PALM2AKAP2: variants seen among roughly 807,000 people sequenced by gnomAD.
PALM2AKAP2 encodes PALM2 and AKAP2 fusion, also known as PALM2-AKAP2 fusion protein.
In PALM2AKAP2, 37 loss-of-function variants were observed where a neutral mutation model predicts 71.5. That is an observed-to-expected ratio of 0.52 (90% CI 0.40 to 0.68). The LOEUF (loss-of-function observed/expected upper bound fraction) is 0.68, where lower values mean the gene tolerates loss of function less well. Ranked by LOEUF, PALM2AKAP2 falls within the 30% of genes least tolerant of loss-of-function variation. The probability of loss-of-function intolerance (pLI) is 0.00; values close to 1 mark genes in which losing one functional copy is unlikely to be tolerated. For missense variants in PALM2AKAP2, 1,224 were observed against 1,191.8 expected (o/e 1.03, Z -0.40); for synonymous variants, 468 against 478.8 (o/e 0.98, Z 0.29).
chr9:109,807,151 A>G (rs1330610579), intron 1 of PALM2AKAP2, among the ~76,000 whole-genome samples: 1 of 103,676 alleles, frequency 9.6e-6, no homozygotes, highest in Non-Finnish European at 2.5e-5. Flanking sequence ...TGAGAGAGAG[A>G]AAAAAAAGTC....
At chr9:109,747,299 A>G (rs1828817510) in intron 1 of PALM2AKAP2, among the ~76,000 whole-genome samples, 1 of 152,154 alleles carries the variant, frequency 6.6e-6, no homozygotes, top group South Asian at 2.1e-4. Flanking sequence ...TTCAGTTAAA[A>G]AGTCACTGGT....
chr9:109,868,467 T>G (rs1564188215), intron 2 of PALM2AKAP2, among the ~76,000 whole-genome samples: 1 of 152,226 alleles, frequency 6.6e-6, no homozygotes. Flanking sequence ...TGCACAGAGC[T>G]GCATTGCTCA....
chr9:110,022,774 T>C (rs1320477844), intron 7 of PALM2AKAP2, among the ~76,000 whole-genome samples: 2 of 150,544 alleles, frequency 1.3e-5, no homozygotes, highest in Non-Finnish European at 3.0e-5. Context: ...TTCCCCTTCC[T>C]GTGTCCATGT....
rs1237182658 is a variant in PALM2AKAP2, at chr9:109,756,255, G to A, written c.6-24233G>A. On this transcript the variant is annotated intron_variant, in intron 1 of 6. Coordinates refer to the PALM2AKAP2 transcript ENST00000374531. ...CCACTTTGATAGTCAAAATAACAGCGTCACATTTTGTGTTTCTTTGGATAT... is the reference window on the plus strand; with the variant it reads ...CCACTTTGATAGTCAAAATAACAGCATCACATTTTGTGTTTCTTTGGATAT... 3.9e-5 allele frequency among the ~76,000 whole-genome samples: 6 copies of A among 152,104 alleles called. No homozygotes were observed. The South Asian group carries it at 8.3e-4, about 21-fold the overall frequency.
intron 7 of PALM2AKAP2, among the ~76,000 whole-genome samples, chr9:110,027,337 G>A (rs1833199153): frequency 6.6e-6 from 1 of 152,104 alleles, no homozygotes; most frequent in Admixed American, 6.5e-5. Flanking sequence ...GTATCTCTAG[G>A]ATAAAAATTT....
intron 1 of PALM2AKAP2, among the ~76,000 whole-genome samples, chr9:110,098,508 A>G (rs763887915): frequency 5.3e-4 from 81 of 152,348 alleles, no homozygotes; most frequent in Non-Finnish European, 9.6e-4. Flanking sequence ...GTATATCTCA[A>G]TGAAGCTGTT....
chr9:109,917,250 G>A (rs186625315), intron 3 of PALM2AKAP2, among the ~76,000 whole-genome samples: 2 of 152,300 alleles, frequency 1.3e-5, no homozygotes, highest in South Asian at 2.1e-4. Flanking sequence ...CTCCCCTAGA[G>A]CCTGCAGAAG....
intron 6 of PALM2AKAP2, among the ~76,000 whole-genome samples, chr9:109,955,963 A>G (rs1484471264): frequency 6.6e-6 from 1 of 151,896 alleles, no homozygotes; most frequent in East Asian, 1.9e-4. Flanking sequence ...AAAACAAAAC[A>G]AAAAAACTGA....
At chr9:109,809,874 T>G (rs1564158975) in intron 1 of PALM2AKAP2, among the ~76,000 whole-genome samples, 1 of 152,218 alleles carries the variant, frequency 6.6e-6, no homozygotes, top group Non-Finnish European at 1.5e-5. Flanking sequence ...GTCCTCTTTT[T>G]GCTGGGCACT....
intron 2 of PALM2AKAP2, among the ~76,000 whole-genome samples, chr9:110,144,638 G>T (rs1381149088): frequency 6.6e-6 from 1 of 152,046 alleles, no homozygotes; most frequent in East Asian, 1.9e-4. Context: ...AACACAACTG[G>T]CAGGTTCTGG....
At chr9:109,740,884 C>T (rs1426057265) in intron 1 of PALM2AKAP2, among the ~76,000 whole-genome samples, 3 of 152,280 alleles carry the variant, frequency 2.0e-5, no homozygotes, top group Middle Eastern at 6.8e-3. Flanking sequence ...AATCTCTTGA[C>T]CTCGTGATCT....
At chr9:110,144,979 A>G (rs1461469591) in intron 2 of PALM2AKAP2, among the ~76,000 whole-genome samples, 7 of 151,948 alleles carry the variant, frequency 4.6e-5, no homozygotes, top group African/African-American at 1.5e-4. Flanking sequence ...TCTTTCCCCT[A>G]CCTTCTCCTT....
intron 1 of PALM2AKAP2, among the ~76,000 whole-genome samples, chr9:109,830,575 G>A (rs7867595): frequency 0.11 from 16,536 of 152,144 alleles, 1,387 homozygotes; most frequent in African/African-American, 0.23. Flanking sequence ...ATTAGCCCAA[G>A]CAGTGGTTCT....
intron 3 of PALM2AKAP2, among the ~76,000 whole-genome samples, chr9:109,893,099 C>T (rs1468330059): frequency 6.6e-6 from 1 of 152,112 alleles, no homozygotes; most frequent in African/African-American, 2.4e-5. Context: ...CTCACCTTTG[C>T]AGTCCAGGGC....
At chr9:110,021,212 T>A (rs1027687397) in intron 7 of PALM2AKAP2, among the ~76,000 whole-genome samples, 3 of 152,182 alleles carry the variant, frequency 2.0e-5, no homozygotes, top group African/African-American at 7.2e-5. Flanking sequence ...GATACTCATA[T>A]ACACAGAAGG....
chr9:109,986,307 T>G (rs1290463306), intron 6 of PALM2AKAP2, among the ~76,000 whole-genome samples: 5 of 152,220 alleles, frequency 3.3e-5, no homozygotes, highest in Non-Finnish European at 7.3e-5. Flanking sequence ...ACAGTAATTT[T>G]CTTGGCCTTG....
chr9:109,789,350 G>A (rs550701818), intron 1 of PALM2AKAP2, among the ~76,000 whole-genome samples: 32 of 152,310 alleles, frequency 2.1e-4, no homozygotes, highest in South Asian at 1.5e-3. Context: ...TGCTTCTCAC[G>A]TGGGCAACTC....
intron 1 of PALM2AKAP2, among the ~76,000 whole-genome samples, chr9:110,058,764 A>G (rs1254658227): frequency 6.6e-6 from 1 of 152,030 alleles, no homozygotes; most frequent in Non-Finnish European, 1.5e-5. Context: ...ACATCTGAAA[A>G]GATCTGTCCT....
intron 3 of PALM2AKAP2, among the ~76,000 whole-genome samples, chr9:109,898,919 T>C (rs1207935212): frequency 2.0e-5 from 3 of 152,208 alleles, no homozygotes; most frequent in Non-Finnish European, 4.4e-5. Context: ...TATTTCTTCT[T>C]GAAACACACT....
Sources: allele counts gnomAD v4.1 joint callset (sites outside exome capture counted in the v4.1 genomes callset), GRCh38; gene constraint gnomAD v4.1.1; transcripts MANE v1.5; gene names NCBI Gene and HGNC (gene_info 2026-07-23, HGNC 2026-07-21).